The following NCALD variants were observed in gnomAD, a reference collection of about 807,000 sequenced individuals.
NCALD encodes the protein neurocalcin-delta.
Under a neutral mutation model 18.6 loss-of-function variants are expected in NCALD, and 10 were observed. That is an observed-to-expected ratio of 0.54 (90% confidence interval 0.33 to 0.91). The LOEUF (loss-of-function observed/expected upper bound fraction) is 0.91. Among genes scored for constraint, NCALD ranks in the 40% least tolerant of loss-of-function variants. The pLI is 0.03. For missense variants in NCALD, 184 were observed against 247.6 expected (o/e 0.74, Z 1.72); for synonymous variants, 88 against 87.4 (o/e 1.01, Z -0.04).
intron 3 of NCALD, among the ~76,000 whole-genome samples, chr8:101,902,795 C>A (rs746511339): frequency 6.6e-6 from 1 of 152,104 alleles, no homozygotes; most frequent in Non-Finnish European, 1.5e-5. Flanking sequence ...GGCCTCTGAC[C>A]CATTTTTGCT....
chr8:101,696,455 C>T (rs139873807), intron 2 of NCALD, among the ~76,000 whole-genome samples: 8 of 152,186 alleles, frequency 5.3e-5, no homozygotes, highest in East Asian at 1.9e-4. Context: ...TGCACAAAGA[C>T]GTGAAGAAAG....
chr8:101,751,596 A>T (rs368684231), intron 1 of NCALD, among the ~76,000 whole-genome samples: 8 of 152,164 alleles, frequency 5.3e-5, no homozygotes, highest in African/African-American at 1.7e-4. Flanking sequence ...ATCTCCATGA[A>T]AGGGGAGGGC....
At chr8:101,993,988 A>T (rs1821144902) in intron 2 of NCALD, among the ~76,000 whole-genome samples, 1 of 152,244 alleles carries the variant, frequency 6.6e-6, no homozygotes, top group South Asian at 2.1e-4. Flanking sequence ...GACTGATGAA[A>T]AGTAGTGACA....
chr8:101,761,250 G>A (rs1811096538), intron 1 of NCALD, among the ~76,000 whole-genome samples: 1 of 152,210 alleles, frequency 6.6e-6, no homozygotes, highest in Non-Finnish European at 1.5e-5. Context: ...AATTAGGTCA[G>A]CAACTTTGCC....
intron 2 of NCALD, among the ~76,000 whole-genome samples, chr8:101,968,225 C>A (rs1322822672): frequency 1.3e-5 from 2 of 151,898 alleles, no homozygotes; most frequent in Non-Finnish European, 2.9e-5. Context: ...GTGGGTCTTC[C>A]CAGAATAAAG....
intron 2 of NCALD, among the ~76,000 whole-genome samples, chr8:101,999,070 C>T (rs1477848520): frequency 9.2e-6 from 1 of 109,232 alleles, no homozygotes; most frequent in East Asian, 2.6e-4. Flanking sequence ...TCACACTCAC[C>T]ATCAAAAAAA....
intron 1 of NCALD, among the ~76,000 whole-genome samples, chr8:102,060,162 C>T (rs1190324635): frequency 2.0e-5 from 3 of 151,874 alleles, no homozygotes; most frequent in South Asian, 2.1e-4. Flanking sequence ...TTTGTATTTT[C>T]GGTACAGACA....
intron 1 of NCALD, among the ~76,000 whole-genome samples, chr8:101,789,595 T>C (rs1812373446): frequency 6.6e-6 from 1 of 152,198 alleles, no homozygotes; most frequent in Non-Finnish European, 1.5e-5. Context: ...AACAATATAT[T>C]CTTGCACTAA....
chr8:101,944,557 C>T (rs148338931), intron 2 of NCALD, among the ~76,000 whole-genome samples: 82 of 152,340 alleles, frequency 5.4e-4, no homozygotes, highest in African/African-American at 1.8e-3. Flanking sequence ...TTTTCTCCTG[C>T]CTTCCAGTGC....
rs371006168 is a variant in NCALD at position 101,966,538 on chromosome 8, C to T, written c.-156-50680G>A. ...AGGAGATATACCTAATGCTAAATGA[C>T]GAGTTAATGGGTGCAGCACACCAAC... is the stretch of plus-strand genomic sequence containing the variant. On this transcript the variant is annotated intron_variant, in intron 2 of 6. Transcript: ENST00000311028. Among the ~76,000 whole-genome samples the T allele has an allele frequency of 5.7e-4, 86 of 151,256 alleles. No homozygotes were observed. In the East Asian group the frequency reaches 0.012, roughly 22 times the overall value.
chr8:101,867,468 A>G (rs1318422468), intron 4 of NCALD, among the ~76,000 whole-genome samples: 1 of 152,238 alleles, frequency 6.6e-6, no homozygotes, highest in Non-Finnish European at 1.5e-5. Context: ...AACTTCTTAG[A>G]AATTTCTGAA....
chr8:101,944,033 G>T (rs1819069711), intron 2 of NCALD, among the ~76,000 whole-genome samples: 2 of 152,194 alleles, frequency 1.3e-5, no homozygotes, highest in African/African-American at 4.8e-5. Flanking sequence ...CTAATAGTAA[G>T]CATTAGCTAG....
At chr8:101,800,607 T>C (rs1438662682) in intron 4 of NCALD, among the ~76,000 whole-genome samples, 2 of 151,760 alleles carry the variant, frequency 1.3e-5, no homozygotes, top group Non-Finnish European at 1.5e-5. Flanking sequence ...ATAGATATAT[T>C]CTAACTCTTT....
intron 3 of NCALD, among the ~76,000 whole-genome samples, chr8:101,690,132 C>T (rs1252600313): frequency 6.8e-6 from 1 of 146,640 alleles, no homozygotes; most frequent in Non-Finnish European, 1.5e-5. Flanking sequence ...GGTGACCTTT[C>T]CTTTCTGCTT....
chr8:101,790,085 T>G (rs1051138384), intron 1 of NCALD, among the ~76,000 whole-genome samples: 10 of 152,174 alleles, frequency 6.6e-5, no homozygotes, highest in Non-Finnish European at 1.5e-5. Flanking sequence ...CTTTAGGTAA[T>G]TATGACGATT....
intron 1 of NCALD, among the ~76,000 whole-genome samples, chr8:102,106,256 AG>A (rs200130920): frequency 2.6e-5 from 4 of 151,348 alleles, no homozygotes; most frequent in East Asian, 1.9e-4. Context: ...TATTTTTAGT[AG>A]GGGGGGTGGT....
chr8:102,095,368 C>T (rs1055048384), intron 1 of NCALD, among the ~76,000 whole-genome samples: 5 of 152,084 alleles, frequency 3.3e-5, no homozygotes, highest in African/African-American at 9.7e-5. Flanking sequence ...GAGGCAGGAG[C>T]CCTCATTACT....
intron 1 of NCALD, among the ~76,000 whole-genome samples, chr8:101,764,322 A>T (rs2130855202): frequency 6.6e-6 from 1 of 152,312 alleles, no homozygotes. Context: ...GATAGGAGGA[A>T]GCCAAGAAAG....
At chr8:102,113,561 C>T (rs115384326) in intron 1 of NCALD, among the ~76,000 whole-genome samples, 2,648 of 152,204 alleles carry the variant, frequency 0.017, 100 homozygotes, top group African/African-American at 0.06. Context: ...TATGGTAGGC[C>T]GGCAAATTTT....
Sources: gnomAD v4.1 joint callset for allele counts (sites outside exome capture counted in the v4.1 genomes callset) on GRCh38, gnomAD v4.1.1 for gene constraint, MANE v1.5 for transcripts, NCBI Gene and HGNC (gene_info 2026-07-23, HGNC 2026-07-21) for gene names.